LMTK2: variants seen among roughly 807,000 people sequenced by gnomAD.
LMTK2 encodes the protein serine/threonine-protein kinase LMTK2.
In LMTK2, 37 loss-of-function variants were observed where a neutral mutation model predicts 127.5. The observed-to-expected ratio is 0.29, with a 90% CI of 0.22 to 0.38. The LOEUF is 0.38. Ranked by LOEUF, LMTK2 falls within the 10% of genes least tolerant of loss-of-function variation. The pLI, the probability that LMTK2 is intolerant of heterozygous loss-of-function variation, is 1.00. For missense variants in LMTK2, 1,694 were observed against 1,920.3 expected (o/e 0.88, Z 2.20); for synonymous variants, 819 against 810.1 (o/e 1.01, Z -0.19).
chr7:98,191,938 G>T lies in LMTK2; in HGVS notation c.1473G>T (p.Arg491=), dbSNP rs778841708. ...AKHDHFDERS[R]GHLDEGLSYT... is the part of the protein sequence containing the mutation. ...ACGACCACTTTGACGAGCGCAGCCG[G>T]GGCCACCTGGACGAAGGCTTGTCCT... The change falls in exon 11 of 14, where the codon CGG becomes CGT. Residue 491 remains arginine, a synonymous_variant. Transcript: ENST00000297293. 1.2e-6 allele frequency: 2 copies of T among 1,614,012 alleles called. No individual in the cohort carries two copies. The highest frequency in any genetic ancestry group is 1.7e-5 in the Admixed American group (1 of 60,012).
intron 6 of LMTK2, among the ~76,000 whole-genome samples, chr7:98,165,808 C>G (rs1375708445): frequency 6.6e-6 from 1 of 152,096 alleles, no homozygotes; most frequent in Admixed American, 6.5e-5. Flanking sequence ...TGTCGTTGCC[C>G]CTAAGGAGCT....
intron 6 of LMTK2, among the ~76,000 whole-genome samples, chr7:98,162,213 C>G (rs185488842): frequency 6.6e-6 from 1 of 152,078 alleles, no homozygotes; most frequent in Admixed American, 6.5e-5. Flanking sequence ...AGTAATTTAA[C>G]CAGTTTTATA....
At chr7:98,205,306 GCTTCC>G (rs1797773018) in intron 13 of LMTK2, among the ~76,000 whole-genome samples, 153 bp from the exon 14 acceptor site, 1 of 152,210 alleles carries the variant, frequency 6.6e-6, no homozygotes, top group East Asian at 1.9e-4. Flanking sequence ...GGCAGGGGCT[GCTTCC>G]GAAGGAAAGG....
At position 98,137,335 on chromosome 7, in the gene LMTK2, G is replaced by A. The variant is rs1439045018; in HGVS notation, c.124G>A (p.Glu42Lys). The A allele has an allele frequency of 6.2e-7, 1 of 1,611,392 alleles. No individual in the cohort carries two copies. Among genetic ancestry groups the A allele is most frequent in the Non-Finnish European group, 8.5e-7 (1 of 1,179,296 alleles). ...TCCAGGGGAGGCGCCACCTGCTGCA[G>A]AAGTTTCCTCATCTTTTGTGATCCT... The part of the protein sequence containing the change: ...TGAGEAPPAA[E>K]VSSSFVILCV... The change falls in exon 2 of 14, where the codon GAA (glutamate) becomes AAA (lysine). Residue 42 changes from glutamate to lysine, a missense_variant. Physicochemically the swap from Glu to Lys is moderately conservative, Grantham distance 56. Transcript: ENST00000297293.
At chr7:98,138,336 C>G (rs1251375996) in intron 2 of LMTK2, among the ~76,000 whole-genome samples, 1 of 152,200 alleles carries the variant, frequency 6.6e-6, no homozygotes, top group Non-Finnish European at 1.5e-5. Context: ...ACATGGGGCC[C>G]TGGTCTTTAG....
Position 98,207,730 on chromosome 7 carries a change from G to A in LMTK2, c.*2238G>A, listed in dbSNP as rs939938009. ...CATACAGATCATGGAATCTGTCGTC[G>A]TCTTATACAGTGTCAGCCTCGAGTA... is the stretch of plus-strand genomic sequence containing the variant. On this transcript the variant is annotated 3_prime_UTR_variant, in exon 14 of 14. Transcript: ENST00000297293. The A allele has an allele frequency of 5.3e-5, 8 of 152,076 alleles. No homozygotes were observed. Among genetic ancestry groups the A allele is most frequent in the African/African-American group, 1.4e-4 (6 of 41,410 alleles). The allele number at this position is 152,076 out of a possible 1,614,324, so 9.4% of individuals were successfully genotyped here.
intron 9 of LMTK2, among the ~76,000 whole-genome samples, chr7:98,189,851 G>A (rs927534043): frequency 1.3e-5 from 2 of 152,098 alleles, no homozygotes; most frequent in African/African-American, 4.8e-5. Flanking sequence ...CGTGATGGGG[G>A]ATCCCTTCAG....
chr7:98,111,048 A>T (rs1796195271), intron 1 of LMTK2, among the ~76,000 whole-genome samples: 1 of 152,190 alleles, frequency 6.6e-6, no homozygotes, highest in African/African-American at 2.4e-5. Flanking sequence ...TAAATCTTGA[A>T]ATTTGATTTT....
rs1266629773 is a variant in LMTK2, at chr7:98,204,085, G to C, written c.4382G>C (p.Ser1461Thr). ...PPPPARSTEQ[S>T]WPHSAPYSRF... ...CCACCGGCCCGGAGCACGGAGCAGAGCTGGCCGCACTCGGCGCCTTACTCC... is the reference window on the plus strand; with the variant it reads ...CCACCGGCCCGGAGCACGGAGCAGACCTGGCCGCACTCGGCGCCTTACTCC... Residue 1461 changes from serine (S) to threonine (T), a missense_variant, in exon 13 of 14, where the codon AGC (serine) becomes ACC (threonine). Ser to Thr is a moderately conservative substitution (Grantham distance 58, BLOSUM62 1). Coordinates refer to ENST00000297293, the MANE Select transcript of LMTK2 (RefSeq NM_014916.4). The C allele has an allele frequency of 3.7e-6, 6 of 1,613,764 alleles. No individual in the cohort carries two copies. The highest frequency in any genetic ancestry group is 5.1e-6 in the Non-Finnish European group (6 of 1,180,042).
chr7:98,142,326 A>G (rs1796710900), intron 3 of LMTK2, among the ~76,000 whole-genome samples: 1 of 152,204 alleles, frequency 6.6e-6, no homozygotes, highest in Non-Finnish European at 1.5e-5. Flanking sequence ...AGGCATGACT[A>G]TAAGAAAAAG....
At chr7:98,130,748 A>C (rs1562899377) in intron 1 of LMTK2, among the ~76,000 whole-genome samples, 1 of 152,190 alleles carries the variant, frequency 6.6e-6, no homozygotes, top group Non-Finnish European at 1.5e-5. Context: ...GGCCTAGAAC[A>C]AACCCTGCCA....
chr7:98,169,885 G>A (rs1353152945), intron 6 of LMTK2, among the ~76,000 whole-genome samples: 1 of 152,162 alleles, frequency 6.6e-6, no homozygotes, highest in Non-Finnish European at 1.5e-5. Context: ...CACCACGTTT[G>A]GAAGGAAATG....
intron 2 of LMTK2, among the ~76,000 whole-genome samples, chr7:98,138,669 G>T (rs1326978628): frequency 2.0e-5 from 3 of 152,212 alleles, no homozygotes; most frequent in Non-Finnish European, 2.9e-5. Context: ...TAGTCTTGCT[G>T]TGGGACTTTA....
At chr7:98,158,098 T>TA (rs1796956892) in intron 5 of LMTK2, among the ~76,000 whole-genome samples, 1 of 152,366 alleles carries the variant, frequency 6.6e-6, no homozygotes, top group East Asian at 1.9e-4. Flanking sequence ...AAGGGTTTTT[T>TA]AAAAAATTAT....
At chr7:98,203,515 A>T (rs1020128699) in intron 11 of LMTK2, 59 bp from the exon 12 acceptor site, 1 of 1,533,242 alleles carries the variant, frequency 6.5e-7, no homozygotes, top group African/African-American at 1.4e-5. Flanking sequence ...GGAAGCGGTC[A>T]CACGGGGGGT....
intron 11 of LMTK2, among the ~76,000 whole-genome samples, chr7:98,200,238 T>C (rs1349859308): frequency 6.6e-6 from 1 of 152,206 alleles, no homozygotes; most frequent in African/African-American, 2.4e-5. Flanking sequence ...CCTTTTGCCC[T>C]CCGTCCCCTT....
intron 1 of LMTK2, among the ~76,000 whole-genome samples, chr7:98,127,053 A>G (rs374051118): frequency 2.6e-5 from 4 of 152,330 alleles, no homozygotes; most frequent in African/African-American, 7.2e-5. Context: ...GGGAGATTCT[A>G]GGTTATTTAA....
At chr7:98,115,875 A>T (rs1796274448) in intron 1 of LMTK2, among the ~76,000 whole-genome samples, 1 of 152,062 alleles carries the variant, frequency 6.6e-6, no homozygotes. Context: ...TTATATCTTC[A>T]TATCATTGGT....
At chr7:98,107,776 C>T (rs36081491) in intron 1 of LMTK2, among the ~76,000 whole-genome samples, 12,131 of 152,192 alleles carry the variant, frequency 0.08, 577 homozygotes, top group South Asian at 0.17. Context: ...GCTTTTTATT[C>T]GGAATGTATC....
Sources: gnomAD v4.1 joint callset for allele counts (sites outside exome capture counted in the v4.1 genomes callset) on GRCh38, gnomAD v4.1.1 for gene constraint, MANE v1.5 for transcripts, NCBI Gene and HGNC (gene_info 2026-07-23, HGNC 2026-07-21) for gene names.